PTPRD: variants seen among roughly 807,000 people sequenced by gnomAD.
The protein encoded by PTPRD is protein tyrosine phosphatase receptor type D.
In PTPRD, 34 loss-of-function variants were observed where a neutral mutation model predicts 214.5. The ratio of observed to expected loss-of-function variants is 0.16; its 90% CI spans 0.12 to 0.21. The LOEUF (loss-of-function observed/expected upper bound fraction) is 0.21. Among genes scored for constraint, PTPRD ranks in the 10% least tolerant of loss-of-function variants. PTPRD has a pLI of 1.00. For synonymous variants in PTPRD, 1,128 were observed against 845.7 expected (o/e 1.33, Z -5.79); for missense variants, 2,545 against 2,398.7 (o/e 1.06, Z -1.27).
chr9:10,176,685 C>G (rs2099250501), intron 3 of PTPRD, among the ~76,000 whole-genome samples: 1 of 151,912 alleles, frequency 6.6e-6, no homozygotes, highest in African/African-American at 2.4e-5. Flanking sequence ...TTAGGAGTAG[C>G]CTCCAGAGAT....
At chr9:10,577,981 G>A (rs1016395475) in intron 2 of PTPRD, among the ~76,000 whole-genome samples, 11 of 150,422 alleles carry the variant, frequency 7.3e-5, no homozygotes, top group African/African-American at 1.2e-4. Flanking sequence ...GCGTGATCTC[G>A]GCTCACTGCA....
chr9:10,209,013 T>C (rs559023260), intron 3 of PTPRD, among the ~76,000 whole-genome samples: 66 of 152,326 alleles, frequency 4.3e-4, no homozygotes, highest in African/African-American at 1.4e-3. Context: ...CACTACTTGG[T>C]TTGGTTTTAT....
intron 11 of PTPRD, among the ~76,000 whole-genome samples, chr9:8,914,244 T>C (rs2098768976): frequency 6.6e-6 from 1 of 152,170 alleles, no homozygotes; most frequent in Non-Finnish European, 1.5e-5. Context: ...TCTTTAATTT[T>C]AAAATAAATA....
intron 2 of PTPRD, among the ~76,000 whole-genome samples, chr9:10,582,830 T>A (rs1020042593): frequency 1.3e-5 from 2 of 152,194 alleles, no homozygotes; most frequent in African/African-American, 4.8e-5. Flanking sequence ...AAGTCATTAA[T>A]GGTGTAAACT....
chr9:10,289,032 T>C (rs1213622004), intron 3 of PTPRD, among the ~76,000 whole-genome samples: 1 of 151,876 alleles, frequency 6.6e-6, no homozygotes, highest in African/African-American at 2.4e-5. Context: ...AGTTTTTTTT[T>C]TTTTTATTTC....
intron 3 of PTPRD, among the ~76,000 whole-genome samples, chr9:10,045,013 G>A (rs2097363696): frequency 6.6e-6 from 1 of 151,658 alleles, no homozygotes; most frequent in South Asian, 2.1e-4. Context: ...TGCTGTTCCA[G>A]ATGGTATGCA....
intron 3 of PTPRD, among the ~76,000 whole-genome samples, chr9:10,122,203 G>A (rs1398519673): frequency 2.0e-5 from 3 of 152,086 alleles, no homozygotes; most frequent in African/African-American, 4.8e-5. Flanking sequence ...AGCTACTCGG[G>A]AGGCTGAGGC....
intron 14 of PTPRD, among the ~76,000 whole-genome samples, chr9:8,609,856 A>G (rs1046448690): frequency 6.6e-5 from 10 of 152,124 alleles, no homozygotes; most frequent in African/African-American, 2.2e-4. Flanking sequence ...TTTTCCTTAT[A>G]CAAATAATAT....
At chr9:9,304,777 G>T (rs1304403440) in intron 9 of PTPRD, among the ~76,000 whole-genome samples, 1 of 151,068 alleles carries the variant, frequency 6.6e-6, no homozygotes, top group Non-Finnish European at 1.5e-5. Context: ...CTAATGGAAA[G>T]GAAAAAGAGC....
chr9:8,451,987 A>C, intron 33 of PTPRD: 2 of 376,970 alleles, frequency 5.3e-6, no homozygotes, highest in Non-Finnish European at 1.0e-5. Context: ...AAACTCTCTA[A>C]AGTAATTTAG....
intron 10 of PTPRD, among the ~76,000 whole-genome samples, chr9:9,053,384 A>AATG (rs147341142): frequency 2.7e-3 from 408 of 151,464 alleles, no homozygotes; most frequent in African/African-American, 8.2e-3. Context: ...TATGATGGCC[A>AATG]ATGATGATGA....
chr9:8,582,747 G>A (rs1411970968), intron 14 of PTPRD, among the ~76,000 whole-genome samples: 2 of 152,170 alleles, frequency 1.3e-5, no homozygotes, highest in Non-Finnish European at 2.9e-5. Flanking sequence ...ATATTGGCAA[G>A]GATATGTAGA....
chr9:9,775,303 A>T (rs553931373), intron 5 of PTPRD, among the ~76,000 whole-genome samples: 2 of 152,314 alleles, frequency 1.3e-5, no homozygotes, highest in Admixed American at 6.5e-5. Flanking sequence ...ATTTCTCTGA[A>T]GCTGAAGGGC....
chr9:9,433,027 TGCAA>T (rs1217975234), intron 8 of PTPRD, among the ~76,000 whole-genome samples: 2 of 152,150 alleles, frequency 1.3e-5, no homozygotes, highest in African/African-American at 4.8e-5. Flanking sequence ...TGTTTCCGAA[TGCAA>T]GCGTGTGTAT....
intron 10 of PTPRD, among the ~76,000 whole-genome samples, chr9:9,099,142 G>C (rs552295064): frequency 2.0e-5 from 3 of 152,092 alleles, no homozygotes; most frequent in Non-Finnish European, 2.9e-5. Flanking sequence ...CCTTTAAAAA[G>C]ACAATACAGT....
intron 11 of PTPRD, among the ~76,000 whole-genome samples, chr9:8,803,166 CATCTT>C (rs1204423245): frequency 1.3e-5 from 2 of 152,084 alleles, no homozygotes; most frequent in Non-Finnish European, 2.9e-5. Context: ...GACACATAGT[CATCTT>C]ATAGCCAATG....
intron 9 of PTPRD, among the ~76,000 whole-genome samples, chr9:9,264,658 G>C (rs1938240654): frequency 6.6e-6 from 1 of 151,366 alleles, no homozygotes; most frequent in Non-Finnish European, 1.5e-5. Flanking sequence ...TCTAAGAAAA[G>C]GTATAAACAT....
intron 30 of PTPRD, among the ~76,000 whole-genome samples, chr9:8,476,480 C>T (rs993079760): frequency 2.0e-5 from 3 of 152,116 alleles, no homozygotes; most frequent in Admixed American, 1.3e-4. Context: ...ATTAAACTAT[C>T]GATCATTCTG....
At chr9:10,333,179 T>C (rs1597341809) in intron 3 of PTPRD, among the ~76,000 whole-genome samples, 1 of 151,346 alleles carries the variant, frequency 6.6e-6, no homozygotes, top group South Asian at 2.1e-4. Context: ...GAAGTAAGAG[T>C]TGTGTTCTGA....
Sources: allele counts gnomAD v4.1 joint callset (sites outside exome capture counted in the v4.1 genomes callset), GRCh38; gene constraint gnomAD v4.1.1; transcripts MANE v1.5; gene names NCBI Gene and HGNC (gene_info 2026-07-23, HGNC 2026-07-21).